Variants in BTRC observed in about 807,000 individuals in gnomAD.
The protein encoded by BTRC is F-box/WD repeat-containing protein 1A.
A neutral mutation model predicts 85.5 loss-of-function variants in BTRC; 42 were observed. The ratio of observed to expected loss-of-function variants is 0.49; its 90% CI spans 0.38 to 0.64. The LOEUF is 0.64. BTRC is among the 30% of genes least tolerant of loss of function. The pLI is 0.00. For missense variants in BTRC, 594 were observed against 743.5 expected, an observed-to-expected ratio of 0.80 and a Z score of 2.34; for synonymous variants, 255 against 263.3, an observed-to-expected ratio of 0.97 and a Z score of 0.30.
At chr10:101,413,984 A>C (rs1244516234) in intron 1 of BTRC, among the ~76,000 whole-genome samples, 2 of 152,178 alleles carry the variant, frequency 1.3e-5, no homozygotes, top group Non-Finnish European at 2.9e-5. Context: ...TAATATGTAC[A>C]TACCATAAAA....
At chr10:101,457,613 A>G (rs1178705730) in intron 2 of BTRC, among the ~76,000 whole-genome samples, 1 of 152,224 alleles carries the variant, frequency 6.6e-6, no homozygotes, top group East Asian at 1.9e-4. Context: ...AAGGACTACA[A>G]ACACATTCTG....
chr10:101,354,444 T>C (rs1437987698), intron 1 of BTRC: 2 of 560,560 alleles, frequency 3.6e-6, no homozygotes, highest in African/African-American at 2.0e-5. Context: ...ATCTTGTGGA[T>C]GAGAGGCCAA....
At chr10:101,538,891 TA>T (rs899484314) in intron 13 of BTRC, among the ~76,000 whole-genome samples, 1 of 148,814 alleles carries the variant, frequency 6.7e-6, no homozygotes, top group African/African-American at 2.5e-5. Flanking sequence ...CTGCTAAAAA[TA>T]AAAAAAAAAT....
chr10:101,550,519 T>C (rs2062632818), intron 13 of BTRC, among the ~76,000 whole-genome samples, 180 bp from the exon 14 acceptor site: 1 of 152,176 alleles, frequency 6.6e-6, no homozygotes, highest in African/African-American at 2.4e-5. Flanking sequence ...CCTGACCTCG[T>C]GATCCGCATG....
intron 13 of BTRC, among the ~76,000 whole-genome samples, chr10:101,545,082 C>CA (rs1355316746): frequency 5.9e-5 from 9 of 151,810 alleles, no homozygotes; most frequent in Non-Finnish European, 1.3e-4. Context: ...GCTAGATTGA[C>CA]AGTGTCTTTC....
intron 2 of BTRC, among the ~76,000 whole-genome samples, chr10:101,453,314 T>C (rs1944996096): frequency 6.6e-6 from 1 of 152,208 alleles, no homozygotes; most frequent in Non-Finnish European, 1.5e-5. Context: ...ATTTTTAAAA[T>C]GTGTTCAAAA....
At chr10:101,423,941 T>G (rs1326425571) in intron 1 of BTRC, among the ~76,000 whole-genome samples, 1 of 152,184 alleles carries the variant, frequency 6.6e-6, no homozygotes, top group Non-Finnish European at 1.5e-5. Flanking sequence ...TTTAGAATCC[T>G]TATTTTAGCC....
At chr10:101,366,165 C>G (rs548414812) in intron 1 of BTRC, among the ~76,000 whole-genome samples, 1 of 152,060 alleles carries the variant, frequency 6.6e-6, no homozygotes, top group African/African-American at 2.4e-5. Context: ...TGGAGTACCA[C>G]ATTTTCTGTT....
chr10:101,524,063 C>G (rs1011991442), intron 5 of BTRC, among the ~76,000 whole-genome samples: 2 of 152,112 alleles, frequency 1.3e-5, no homozygotes, highest in Non-Finnish European at 2.9e-5. Flanking sequence ...ATTAATACTA[C>G]TTTGTTTTAT....
At position 101,532,809 on chromosome 10, in the gene BTRC, C is replaced by CGCGT. The variant is rs1564831181; in HGVS notation, c.979-141_979-140insGTGC. ...GTGTGTGCGCGTGTGCGCGCGCGCGCGCTTAGCTATACCTATAGAAAATGC... is the reference window on the plus strand; with the variant it reads ...GTGTGTGCGCGTGTGCGCGCGCGCGCGCGTGCTTAGCTATACCTATAGAAAATGC... On this transcript the variant is annotated intron_variant, in intron 8 of 14. Transcript: ENST00000370187. 8 of 676,030 alleles carry CGCGT rather than the reference C, an allele frequency of 1.2e-5. 1 individual carries two copies. Among genetic ancestry groups the CGCGT allele is most frequent in the Admixed American group, 2.4e-5 (1 of 41,846 alleles). The allele number at this position is 676,030 out of a possible 1,614,324, so 41.9% of individuals were successfully genotyped here.
intron 1 of BTRC, among the ~76,000 whole-genome samples, chr10:101,395,179 C>T (rs1246276953): frequency 6.6e-6 from 1 of 152,070 alleles, no homozygotes; most frequent in Non-Finnish European, 1.5e-5. Flanking sequence ...CTGAGGTTTC[C>T]TACCAATACA....
intron 4 of BTRC, among the ~76,000 whole-genome samples, chr10:101,484,196 G>A (rs1945921964): frequency 6.6e-6 from 1 of 152,160 alleles, no homozygotes; most frequent in African/African-American, 2.4e-5. Flanking sequence ...GTTTGAAACT[G>A]ACTGAGACAG....
At chr10:101,473,922 A>G (rs960601399) in intron 3 of BTRC, among the ~76,000 whole-genome samples, 1 of 152,160 alleles carries the variant, frequency 6.6e-6, no homozygotes. Context: ...CAGATAATGC[A>G]CTTTTCAGTT....
intron 1 of BTRC, among the ~76,000 whole-genome samples, chr10:101,403,617 G>C (rs1038769426): frequency 3.3e-5 from 5 of 151,876 alleles, no homozygotes; most frequent in African/African-American, 1.2e-4. Context: ...TTTGAGACAG[G>C]TCTAGCTCTG....
chr10:101,398,293 T>C (rs371551089), intron 1 of BTRC, among the ~76,000 whole-genome samples: 1 of 151,936 alleles, frequency 6.6e-6, no homozygotes, highest in African/African-American at 2.4e-5. Context: ...TGTTGAAAAT[T>C]TCTTTTTTTC....
intron 12 of BTRC, among the ~76,000 whole-genome samples, chr10:101,537,226 A>C (rs2062399691): frequency 6.6e-6 from 1 of 152,246 alleles, no homozygotes; most frequent in Non-Finnish European, 1.5e-5. Context: ...CTAAACACAG[A>C]GTAAATTCAA....
At chr10:101,421,741 G>A (rs1329729725) in intron 1 of BTRC, among the ~76,000 whole-genome samples, 1 of 150,394 alleles carries the variant, frequency 6.6e-6, no homozygotes, top group Non-Finnish European at 1.5e-5. Context: ...TTGTCCTTGT[G>A]ATAGTTTGCT....
intron 12 of BTRC, among the ~76,000 whole-genome samples, chr10:101,538,075 T>C (rs1184755486): frequency 6.6e-6 from 1 of 152,212 alleles, no homozygotes. Flanking sequence ...AAAGGTCTAA[T>C]GTACAAGATC....
chr10:101,426,881 G>A (rs2134069367), intron 1 of BTRC, among the ~76,000 whole-genome samples: 1 of 152,220 alleles, frequency 6.6e-6, no homozygotes, highest in Non-Finnish European at 1.5e-5. Context: ...TCTTGTGAAG[G>A]GAAGCAGGAG....
Sources: allele counts gnomAD v4.1 joint callset (sites outside exome capture counted in the v4.1 genomes callset), GRCh38; gene constraint gnomAD v4.1.1; transcripts MANE v1.5; gene names NCBI Gene and HGNC (gene_info 2026-07-23, HGNC 2026-07-21).